ADAMTS3: variants seen among roughly 807,000 people sequenced by gnomAD.
The protein encoded by ADAMTS3 is ADAM metallopeptidase with thrombospondin type 1 motif 3, also known as A disintegrin and metalloproteinase with thrombospondin motifs 3.
In ADAMTS3, 73 loss-of-function variants were observed where a neutral mutation model predicts 129.0. That is an observed-to-expected ratio of 0.57 (90% CI 0.47 to 0.69). The LOEUF (loss-of-function observed/expected upper bound fraction) is 0.69, where lower values mean the gene tolerates loss of function less well. Among genes scored for constraint, ADAMTS3 ranks in the 30% least tolerant of loss-of-function variants. The pLI is 0.00. For synonymous variants in ADAMTS3, 477 were observed against 510.8 expected, an observed-to-expected ratio of 0.93 and a Z score of 0.89; for missense variants, 1,457 against 1,514.5, an observed-to-expected ratio of 0.96 and a Z score of 0.63.
At chr4:72,564,580 A>C (rs1479476633) in intron 2 of ADAMTS3, among the ~76,000 whole-genome samples, 5 of 152,200 alleles carry the variant, frequency 3.3e-5, no homozygotes, top group Admixed American at 1.3e-4. Context: ...GTTGACAAAG[A>C]GGCACACAAC....
At chr4:72,425,974 T>A (rs1456535967) in intron 3 of ADAMTS3, among the ~76,000 whole-genome samples, 1 of 152,130 alleles carries the variant, frequency 6.6e-6, no homozygotes, top group Admixed American at 6.6e-5. Context: ...TTCCTATTTC[T>A]CCACATCCTC....
intron 3 of ADAMTS3, among the ~76,000 whole-genome samples, chr4:72,463,239 G>A (rs1009400962): frequency 3.3e-5 from 5 of 151,854 alleles, no homozygotes; most frequent in Non-Finnish European, 1.5e-5. Context: ...ATGCCATCTG[G>A]GTTTGTGTAA....
Position 72,295,758 on chromosome 4 carries a change from A to G in ADAMTS3, c.2619T>C (p.Arg873=), listed in dbSNP as rs776719300. 3.1e-6 allele frequency: 5 copies of G among 1,612,514 alleles called. No homozygotes were observed. The South Asian group carries it at 4.4e-5, about 14-fold the overall frequency. ...GGACCATTTTATTATCACTTTTCCT[A>G]CGGCATCCATATTTAGTGTACTGGA... ...GGFQYTKYGC[R]RKSDNKMVHR... The change falls in exon 19 of 22, where the codon CGT becomes CGC. Residue 873 remains arginine (R), a synonymous_variant. Coordinates refer to ENST00000286657, the MANE Select transcript of ADAMTS3 (RefSeq NM_014243.3).
intron 3 of ADAMTS3, among the ~76,000 whole-genome samples, chr4:72,442,548 A>G (rs1578683257): frequency 6.6e-6 from 1 of 151,740 alleles, no homozygotes; most frequent in South Asian, 2.1e-4. Context: ...CTACAATGGC[A>G]CCAAGCCATT....
At chr4:72,513,281 C>T (rs1720365181) in intron 3 of ADAMTS3, among the ~76,000 whole-genome samples, 1 of 152,120 alleles carries the variant, frequency 6.6e-6, no homozygotes, top group Non-Finnish European at 1.5e-5. Flanking sequence ...ATCTTTGATC[C>T]CTTACACACA....
At chr4:72,345,382 T>C (rs1385288224) in intron 4 of ADAMTS3, among the ~76,000 whole-genome samples, 3 of 152,178 alleles carry the variant, frequency 2.0e-5, no homozygotes, top group African/African-American at 7.2e-5. Context: ...TGTGTTAACC[T>C]GTTTGTATCA....
chr4:72,515,727 T>C (rs1320490243), intron 3 of ADAMTS3, among the ~76,000 whole-genome samples: 1 of 151,996 alleles, frequency 6.6e-6, no homozygotes, highest in Non-Finnish European at 1.5e-5. Context: ...TTGTAGATTC[T>C]GGATATTAGC....
chr4:72,476,790 A>G (rs1719246439), intron 3 of ADAMTS3, among the ~76,000 whole-genome samples: 1 of 152,154 alleles, frequency 6.6e-6, no homozygotes, highest in African/African-American at 2.4e-5. Flanking sequence ...GCAATAATAT[A>G]ATGATATAAA....
At chr4:72,551,259 G>A (rs1004822837) in intron 2 of ADAMTS3, among the ~76,000 whole-genome samples, 17 of 152,020 alleles carry the variant, frequency 1.1e-4, no homozygotes, top group African/African-American at 4.1e-4. Context: ...AGTGACTAGA[G>A]AACAAGAACA....
intron 3 of ADAMTS3, among the ~76,000 whole-genome samples, chr4:72,511,469 T>C (rs558398122): frequency 5.9e-5 from 9 of 152,178 alleles, no homozygotes; most frequent in East Asian, 3.8e-4. Flanking sequence ...TGAATAGACA[T>C]TTCTCAAAAG....
intron 4 of ADAMTS3, among the ~76,000 whole-genome samples, chr4:72,393,204 G>A (rs942801926): frequency 6.6e-6 from 1 of 152,072 alleles, no homozygotes; most frequent in Admixed American, 6.5e-5. Context: ...GATTACAGGC[G>A]TGAGCCACCG....
In ADAMTS3 at chr4:72,568,939, G is replaced by C. The variant is rs868605036; in HGVS notation, c.-177C>G. 1 of 625,688 alleles carries C rather than the reference G, an allele frequency of 1.6e-6. No homozygotes were observed. Among genetic ancestry groups the C allele is most frequent in the African/African-American group, 1.9e-5 (1 of 54,028 alleles). The allele number at this position is 625,688 out of a possible 1,614,324, so 38.8% of individuals were successfully genotyped here. On this transcript the variant is annotated 5_prime_UTR_variant, in exon 1 of 22. Transcript: ENST00000286657. ...AAAATGAAATTTGAGCTCTGAGACT[G>C]GCCCCCTCTGCTCTGCAGTTTTTTC... is the stretch of plus-strand genomic sequence containing the variant.
At chr4:72,548,414 T>A (rs562144927) in intron 3 of ADAMTS3, 64 bp downstream of exon 3, 2 of 1,537,934 alleles carry the variant, frequency 1.3e-6, no homozygotes, top group East Asian at 4.5e-5. Flanking sequence ...TTCCAAACTA[T>A]GCAGAAGCCA....
intron 4 of ADAMTS3, among the ~76,000 whole-genome samples, chr4:72,368,186 G>C (rs1720919309): frequency 6.6e-6 from 1 of 152,074 alleles, no homozygotes; most frequent in African/African-American, 2.4e-5. Context: ...CTTCGCTTAA[G>C]CTTTAATAAA....
intron 18 of ADAMTS3, among the ~76,000 whole-genome samples, chr4:72,298,041 AC>A (rs995950921): frequency 3.9e-5 from 6 of 152,130 alleles, no homozygotes; most frequent in Non-Finnish European, 7.4e-5. Context: ...TAAATGCAAG[AC>A]AAAGGACCTG....
At chr4:72,506,549 T>G (rs1333261429) in intron 3 of ADAMTS3, among the ~76,000 whole-genome samples, 1 of 152,188 alleles carries the variant, frequency 6.6e-6, no homozygotes, top group Non-Finnish European at 1.5e-5. Flanking sequence ...ATGGCTGATT[T>G]TATATGAACT....
At chr4:72,451,021 T>G (rs572562576) in intron 3 of ADAMTS3, among the ~76,000 whole-genome samples, 58 of 79,272 alleles carry the variant, frequency 7.3e-4, no homozygotes, top group South Asian at 1.8e-3. Flanking sequence ...GAAGAGAAAT[T>G]TGCAACAGAT....
At chr4:72,559,300 G>A (rs930556601) in intron 2 of ADAMTS3, among the ~76,000 whole-genome samples, 1 of 151,708 alleles carries the variant, frequency 6.6e-6, no homozygotes, top group Non-Finnish European at 1.5e-5. Context: ...AACAAAATAA[G>A]GTGTAAGAAG....
intron 3 of ADAMTS3, among the ~76,000 whole-genome samples, chr4:72,530,767 AT>A: frequency 8.1e-4 from 1 of 1,228 alleles, no homozygotes; most frequent in Non-Finnish European, 4.0e-3. Context: ...TATTATATAG[AT>A]TATATATATT....
Sources: gnomAD v4.1 joint callset for allele counts (sites outside exome capture counted in the v4.1 genomes callset) on GRCh38, gnomAD v4.1.1 for gene constraint, MANE v1.5 for transcripts, NCBI Gene and HGNC (gene_info 2026-07-23, HGNC 2026-07-21) for gene names.